Variants in FAM149B1 observed in about 807,000 individuals in gnomAD.
The protein encoded by FAM149B1 is primary cilium assembly protein FAM149B1.
A neutral mutation model predicts 75.3 loss-of-function variants in FAM149B1; 56 were observed. That is an observed-to-expected ratio of 0.74 (90% CI 0.60 to 0.93). The LOEUF is 0.93. Among genes scored for constraint, FAM149B1 ranks in the 40% least tolerant of loss-of-function variants. The pLI is 0.00. For synonymous variants in FAM149B1, 259 were observed against 256.1 expected (o/e 1.01, Z -0.11); for missense variants, 639 against 708.4 (o/e 0.90, Z 1.11).
intron 2 of FAM149B1, among the ~76,000 whole-genome samples, chr10:73,176,347 A>C (rs1019779333): frequency 6.6e-6 from 1 of 152,170 alleles, no homozygotes; most frequent in African/African-American, 2.4e-5. Flanking sequence ...TCTGCAGCCC[A>C]GTTCCTAACA....
At position 73,210,507 on chromosome 10, in the gene FAM149B1, A is replaced by G. The variant is rs189234308; in HGVS notation, c.898+69A>G. On this transcript the variant is annotated intron_variant, in intron 7 of 13. Transcript: ENST00000242505. ...ATTTCTAAACCCTAACCAGTCTATT[A>G]GATGATATGCTTCTTAGTGCAAAAG... The G allele has an allele frequency of 8.2e-5, 92 of 1,125,776 alleles. No individual in the cohort carries two copies. The East Asian group carries it at 2.1e-3, about 26-fold the overall frequency. 69.7% of individuals were successfully genotyped at this position (1,125,776 alleles called of 1,614,324 possible).
rs1269047050 is a variant in FAM149B1 at position 73,242,387 on chromosome 10, G to A, written c.*1368G>A. The A allele has an allele frequency of 6.6e-6, 1 of 151,638 alleles. No individual in the cohort carries two copies. The highest frequency in any genetic ancestry group is 1.5e-5 in the Non-Finnish European group (1 of 67,996). 9.4% of individuals were successfully genotyped at this position (151,638 alleles called of 1,614,324 possible). A position where few individuals can be genotyped will look rare whatever the true frequency, so the allele number is the denominator to read the frequency against. On this transcript the variant is annotated 3_prime_UTR_variant, in exon 14 of 14. Transcript: ENST00000242505. ...TACCATGAGTTCACTATAACAACTG[G>A]ATCAATATGGCTTGCCTTTCAAAGT...
intron 5 of FAM149B1, among the ~76,000 whole-genome samples, chr10:73,200,188 G>A (rs2042899836): frequency 6.6e-6 from 1 of 152,110 alleles, no homozygotes; most frequent in Non-Finnish European, 1.5e-5. Context: ...AATTAGCTGG[G>A]CATGTTGGCG....
chr10:73,192,506 AGAGAGT>A, intron 3 of FAM149B1, 44 bp from the exon 4 acceptor site: 1 of 1,513,380 alleles, frequency 6.6e-7, no homozygotes, highest in Non-Finnish European at 8.9e-7. Flanking sequence ...AATTTTTAAC[AGAGAGT>A]GAATCAGCTC....
At chr10:73,221,006 A>G (rs775568360) in intron 7 of FAM149B1, among the ~76,000 whole-genome samples, 5 of 152,238 alleles carry the variant, frequency 3.3e-5, no homozygotes, top group Admixed American at 6.5e-5. Context: ...AATATGCTAA[A>G]TGAAAGAAGC....
At chr10:73,235,142 C>T in intron 11 of FAM149B1, 51 bp from the exon 12 acceptor site, 3 of 1,538,174 alleles carry the variant, frequency 2.0e-6, no homozygotes, top group Non-Finnish European at 8.8e-7. Flanking sequence ...TAACTACATA[C>T]CACATTACAG....
At chr10:73,234,394 T>C (rs746694463) in intron 10 of FAM149B1, 2 of 168,874 alleles carry the variant, frequency 1.2e-5, no homozygotes, top group African/African-American at 4.8e-5. Context: ...CTGCTCCAGA[T>C]CCTACTGAAG....
intron 5 of FAM149B1, among the ~76,000 whole-genome samples, chr10:73,207,080 G>T (rs1286156113): frequency 6.6e-6 from 1 of 152,180 alleles, no homozygotes; most frequent in South Asian, 2.1e-4. Flanking sequence ...GGGTGCCCAG[G>T]CAGAAGCCTG....
chr10:73,221,345 G>A (rs2043410007), intron 7 of FAM149B1, among the ~76,000 whole-genome samples: 1 of 151,364 alleles, frequency 6.6e-6, no homozygotes, highest in African/African-American at 2.4e-5. Flanking sequence ...TCTTGTATGT[G>A]GGTCTGCTAG....
intron 9 of FAM149B1, among the ~76,000 whole-genome samples, chr10:73,232,297 T>C (rs1057176154): frequency 2.7e-4 from 41 of 152,340 alleles, no homozygotes; most frequent in Admixed American, 1.2e-3. Context: ...ATTTTATTTA[T>C]TGGACGACTT....
intron 12 of FAM149B1, among the ~76,000 whole-genome samples, chr10:73,236,413 CTT>C (rs571460371): frequency 2.8e-4 from 37 of 133,262 alleles, no homozygotes; most frequent in African/African-American, 8.2e-4. Flanking sequence ...CAATTTCTGC[CTT>C]TTTTTTTTTT....
chr10:73,200,796 T>C (rs530585607), intron 5 of FAM149B1: 4 of 481,256 alleles, frequency 8.3e-6, no homozygotes, highest in African/African-American at 2.0e-5. Flanking sequence ...AAGTTGGATA[T>C]ACTTTGTGAC....
Position 73,223,409 on chromosome 10 carries a change from G to A in FAM149B1, c.899-4651G>A, listed in dbSNP as rs961764223. Among the ~76,000 whole-genome samples the A allele has an allele frequency of 5.3e-5, 8 of 152,284 alleles. No individual in the cohort carries two copies. In the East Asian group the frequency reaches 5.8e-4, roughly 11 times the overall value. Reference sequence around the variant, plus strand: ...AACAAGTTTATTCCCATTGCTTATAGTGTTCCATTGTATGACTATATCACA... The same window carrying A: ...AACAAGTTTATTCCCATTGCTTATAATGTTCCATTGTATGACTATATCACA... On this transcript the variant is annotated intron_variant, in intron 7 of 13. Coordinates refer to ENST00000242505, the MANE Select transcript of FAM149B1 (RefSeq NM_173348.2).
intron 5 of FAM149B1, among the ~76,000 whole-genome samples, chr10:73,194,265 A>C (rs1244556359): frequency 2.6e-5 from 4 of 152,198 alleles, no homozygotes; most frequent in Admixed American, 2.6e-4. Flanking sequence ...ATTTACATAT[A>C]TCCAAAAATA....
intron 5 of FAM149B1, among the ~76,000 whole-genome samples, chr10:73,193,861 A>G (rs2042735455): frequency 6.6e-6 from 1 of 152,138 alleles, no homozygotes; most frequent in Non-Finnish European, 1.5e-5. Context: ...TTATAAGGAA[A>G]AGGAAGTTAT....
At position 73,233,025 on chromosome 10, in the gene FAM149B1, G is replaced by T. The variant is rs2043744669; in HGVS notation, c.1214G>T (p.Ser405Ile). 6.4e-7 allele frequency: 1 copy of T among 1,551,650 alleles called. No individual in the cohort carries two copies. The highest frequency in any genetic ancestry group is 2.0e-5 in the Admixed American group (1 of 50,974). ...TGGCCAAATCGAGCTGTGGAGTTTA[G>T]TACATCATCTCTGTCATACACAGTG... Reference protein sequence around the residue: ...RNWPNRAVEFSTSSLSYTVQS... With the variant: ...RNWPNRAVEFITSSLSYTVQS... Residue 405 changes from serine to isoleucine, a missense_variant, in exon 10 of 14, where the codon AGT (serine) becomes ATT (isoleucine). Transcript: ENST00000242505.
chr10:73,211,861 T>C (rs1356755207), intron 7 of FAM149B1, among the ~76,000 whole-genome samples: 1 of 152,206 alleles, frequency 6.6e-6, no homozygotes, highest in Non-Finnish European at 1.5e-5. Flanking sequence ...TCTGGGTTTT[T>C]AGTGACCTCA....
Position 73,241,585 on chromosome 10 carries a change from T to C in FAM149B1, c.*566T>C, listed in dbSNP as rs1055233599. 6.5e-6 allele frequency: 1 copy of C among 154,698 alleles called. No individual in the cohort carries two copies. Among genetic ancestry groups the C allele is most frequent in the African/African-American group, 2.4e-5 (1 of 41,458 alleles). 9.6% of individuals were successfully genotyped at this position (154,698 alleles called of 1,614,324 possible). ...TAACTAAAAACATAAATGTTAAGCA[T>C]TAGTATAAAGTAACTTCTGTAATAA... On this transcript the variant is annotated 3_prime_UTR_variant, in exon 14 of 14. Transcript: ENST00000242505.
At chr10:73,169,459 C>CTT (rs11452129) in intron 1 of FAM149B1, among the ~76,000 whole-genome samples, 22 of 142,590 alleles carry the variant, frequency 1.5e-4, no homozygotes, top group Middle Eastern at 3.6e-3. Flanking sequence ...AGGGCCTTCA[C>CTT]TTTTTTTTTT....
Sources: allele counts gnomAD v4.1 joint callset (sites outside exome capture counted in the v4.1 genomes callset), GRCh38; gene constraint gnomAD v4.1.1; transcripts MANE v1.5; gene names NCBI Gene and HGNC (gene_info 2026-07-23, HGNC 2026-07-21).